Variants in NRXN1 observed in about 807,000 individuals in gnomAD.
NRXN1 encodes neurexin-1.
A neutral mutation model predicts 150.9 loss-of-function variants in NRXN1; 39 were observed. The observed-to-expected ratio is 0.26, with a 90% CI of 0.20 to 0.34. NRXN1 has a LOEUF of 0.34. Ranked by LOEUF, NRXN1 falls within the 10% of genes least tolerant of loss-of-function variation. The probability of loss-of-function intolerance (pLI) is 1.00; values close to 1 mark genes in which losing one functional copy is unlikely to be tolerated. For synonymous variants in NRXN1, 924 were observed against 757.0 expected (o/e 1.22, Z -3.62); for missense variants, 1,815 against 1,949.9 (o/e 0.93, Z 1.30).
chr2:50,639,985 T>C (rs760224064), intron 5 of NRXN1, among the ~76,000 whole-genome samples: 1 of 152,162 alleles, frequency 6.6e-6, no homozygotes, highest in Non-Finnish European at 1.5e-5. Flanking sequence ...AAAATTACAT[T>C]AAATACACAT....
chr2:50,884,005 TGA>T (rs574858767), intron 5 of NRXN1, among the ~76,000 whole-genome samples: 132 of 151,918 alleles, frequency 8.7e-4, no homozygotes, highest in Non-Finnish European at 1.2e-3. Flanking sequence ...ATGTGTGCAC[TGA>T]GTTTGTGAAA....
At chr2:50,445,995 C>T (rs138367836) in intron 17 of NRXN1, among the ~76,000 whole-genome samples, 7 of 152,142 alleles carry the variant, frequency 4.6e-5, no homozygotes, top group South Asian at 2.1e-4. Flanking sequence ...AACTGCAAGG[C>T]CTGGTTTAAG....
rs956148171 is a variant in NRXN1 at position 50,861,240 on chromosome 2, A to T, written c.832+60629T>A. ...TGCAGATCTTATTATTTTGAGACAG[A>T]GTCTCTCTGTCTCTCAACCTGGAGT... On this transcript the variant is annotated intron_variant, in intron 5 of 22. Transcript: ENST00000401669. Among the ~76,000 whole-genome samples the T allele has an allele frequency of 3.9e-5, 6 of 152,002 alleles. No individual in the cohort carries two copies. In the East Asian group the frequency reaches 9.7e-4, roughly 25 times the overall value.
chr2:50,870,188 T>C (rs1677564280), intron 5 of NRXN1, among the ~76,000 whole-genome samples: 1 of 151,954 alleles, frequency 6.6e-6, no homozygotes, highest in Non-Finnish European at 1.5e-5. Flanking sequence ...ACTCTCCAAA[T>C]TCCTAAATTA....
intron 5 of NRXN1, among the ~76,000 whole-genome samples, chr2:50,764,184 A>G (rs1702135880): frequency 1.3e-5 from 2 of 151,902 alleles, no homozygotes; most frequent in Admixed American, 1.3e-4. Flanking sequence ...TATACTTCTC[A>G]AATACCTACT....
Position 49,964,407 on chromosome 2 carries a change from C to T in NRXN1, c.4129-20616G>A, listed in dbSNP as rs189140529. Among the ~76,000 whole-genome samples, 1,340 of 145,880 alleles carry T rather than the reference C, an allele frequency of 9.2e-3. 19 individuals carry two copies. The highest frequency in any genetic ancestry group is 0.032 in the African/African-American group (1,247 of 39,106). ...CCAGACTGGCAACATGGTGAAACCCCGCCTCTACTAAAAATACAAAAAATT... is the reference window on the plus strand; with the variant it reads ...CCAGACTGGCAACATGGTGAAACCCTGCCTCTACTAAAAATACAAAAAATT... On this transcript the variant is annotated intron_variant, in intron 21 of 22. Transcript: ENST00000401669.
At position 50,447,737 on chromosome 2, in the gene NRXN1, T is replaced by TTATATATATA. The variant is rs70948710; in HGVS notation, c.3364+17695_3364+17704dup. Among the ~76,000 whole-genome samples, 219 of 37,770 alleles carry TTATATATATA rather than the reference T, an allele frequency of 5.8e-3. 2 individuals are homozygous for TTATATATATA. Among genetic ancestry groups the TTATATATATA allele is most frequent in the East Asian group, 8.2e-3 (4 of 486 alleles). 24.8% of individuals were successfully genotyped at this position (37,770 alleles called of 152,430 possible). A position where few individuals can be genotyped will look rare whatever the true frequency, so the allele number is the denominator to read the frequency against. On this transcript the variant is annotated intron_variant, in intron 17 of 22. Transcript: ENST00000401669. ...AAATCACATAGTAAGCAGGGGAACG[T>TTATATATATA]TATATATATATATATATATATATAT...
At chr2:50,245,031 T>C (rs62133087) in intron 17 of NRXN1, among the ~76,000 whole-genome samples, 21,650 of 151,882 alleles carry the variant, frequency 0.14, 1,788 homozygotes, top group African/African-American at 0.21. Flanking sequence ...TGAACACTAC[T>C]TTTAAAAATG....
At chr2:50,095,215 G>A (rs958172490) in intron 18 of NRXN1, among the ~76,000 whole-genome samples, 1 of 152,154 alleles carries the variant, frequency 6.6e-6, no homozygotes, top group Non-Finnish European at 1.5e-5. Context: ...AAAAGTGAAC[G>A]GATGACCTTT....
chr2:50,011,625 C>T (rs1017812399), intron 21 of NRXN1, among the ~76,000 whole-genome samples: 12 of 151,988 alleles, frequency 7.9e-5, no homozygotes, highest in African/African-American at 2.2e-4. Context: ...AGGTTCTTGC[C>T]TCACCATCAG....
intron 5 of NRXN1, among the ~76,000 whole-genome samples, chr2:50,679,701 G>T (rs1006822169): frequency 2.0e-5 from 3 of 152,130 alleles, no homozygotes; most frequent in African/African-American, 7.2e-5. Context: ...TAAAGAAAAT[G>T]TATATGAAGA....
chr2:50,178,973 C>T (rs191300924), intron 18 of NRXN1, among the ~76,000 whole-genome samples: 2 of 152,004 alleles, frequency 1.3e-5, no homozygotes, highest in Non-Finnish European at 2.9e-5. Flanking sequence ...AAATACCTAA[C>T]AATGCTTGAG....
chr2:50,492,550 G>C (rs1340414851), intron 15 of NRXN1, among the ~76,000 whole-genome samples: 2 of 152,126 alleles, frequency 1.3e-5, no homozygotes, highest in East Asian at 3.9e-4. Flanking sequence ...GCCAACTGTG[G>C]AATTTTAGAT....
At chr2:50,056,920 T>C (rs1346365668) in intron 19 of NRXN1, among the ~76,000 whole-genome samples, 2 of 152,138 alleles carry the variant, frequency 1.3e-5, no homozygotes, top group African/African-American at 2.4e-5. Flanking sequence ...AGGTGGTTCC[T>C]CATGTTTTTC....
intron 17 of NRXN1, among the ~76,000 whole-genome samples, chr2:50,278,252 A>ATATATTATATATATG (rs2070857496): frequency 2.8e-4 from 13 of 46,058 alleles, no homozygotes; most frequent in Non-Finnish European, 4.0e-4. Flanking sequence ...ATATATATAT[A>ATATATTATATATATG]TATTATATAT....
chr2:50,857,723 C>T (rs1675476289), intron 5 of NRXN1, among the ~76,000 whole-genome samples: 1 of 152,040 alleles, frequency 6.6e-6, no homozygotes, highest in South Asian at 2.1e-4. Context: ...CCTCGGTGAT[C>T]TTCCTCCCTT....
chr2:50,400,680 T>A (rs2082335246), intron 17 of NRXN1, among the ~76,000 whole-genome samples: 1 of 152,140 alleles, frequency 6.6e-6, no homozygotes, highest in Non-Finnish European at 1.5e-5. Flanking sequence ...CAAGTAAGGT[T>A]CTGCTCAAAA....
At chr2:50,621,449 G>GA (rs947414046) in intron 6 of NRXN1, among the ~76,000 whole-genome samples, 200 bp from the exon 7 acceptor site, 2 of 152,002 alleles carry the variant, frequency 1.3e-5, no homozygotes, top group African/African-American at 4.8e-5. Context: ...AATTTTACAA[G>GA]AAAAAAGCAG....
At chr2:50,958,555 T>A (rs962422481) in intron 2 of NRXN1, among the ~76,000 whole-genome samples, 1 of 152,114 alleles carries the variant, frequency 6.6e-6, no homozygotes, top group African/African-American at 2.4e-5. Flanking sequence ...TTTTGTGAAT[T>A]GATCTTGTAT....
Sources: gnomAD v4.1 joint callset for allele counts (sites outside exome capture counted in the v4.1 genomes callset) on GRCh38, gnomAD v4.1.1 for gene constraint, MANE v1.5 for transcripts, NCBI Gene and HGNC (gene_info 2026-07-23, HGNC 2026-07-21) for gene names.